The following MAML3 variants were observed in gnomAD, a reference collection of about 807,000 sequenced individuals.
MAML3 encodes mastermind like transcriptional coactivator 3.
MAML3 carries 27 observed loss-of-function variants against 101.9 expected under a neutral mutation model. That is an observed-to-expected ratio of 0.27 (90% confidence interval 0.20 to 0.37). MAML3 has a LOEUF of 0.37. Ranked by LOEUF, MAML3 falls within the 10% of genes least tolerant of loss-of-function variation. The probability of loss-of-function intolerance (pLI) is 1.00; values close to 1 mark genes in which losing one functional copy is unlikely to be tolerated. For missense variants in MAML3, 1,316 were observed against 1,444.9 expected (o/e 0.91, Z 1.45); for synonymous variants, 501 against 555.9 (o/e 0.90, Z 1.39).
chr4:140,009,984 T>C (rs1726520791), intron 1 of MAML3, among the ~76,000 whole-genome samples: 1 of 152,212 alleles, frequency 6.6e-6, no homozygotes, highest in African/African-American at 2.4e-5. Flanking sequence ...TCCAGAGAAA[T>C]TGTTTTCAAC....
rs761002812 is a variant in MAML3, at chr4:139,720,095, A to G, written c.2645T>C (p.Leu882Ser). The change falls in exon 5 of 5, where the codon TTG becomes TCG. Residue 882 changes from leucine (L) to serine (S), a missense_variant. Transcript: ENST00000509479. ...YNMSTGMTQM[L>S]QHPNQSGMSI... is the part of the protein sequence containing the mutation. ...CATGCCACTTTGGTTTGGATGCTGCAACATTTGGGTCATGCCTGTGCTCAT... is the reference window on the plus strand; with the variant it reads ...CATGCCACTTTGGTTTGGATGCTGCGACATTTGGGTCATGCCTGTGCTCAT... The G allele has an allele frequency of 6.2e-7, 1 of 1,614,062 alleles. No homozygotes were observed. Among genetic ancestry groups the G allele is most frequent in the Non-Finnish European group, 8.5e-7 (1 of 1,179,908 alleles).
intron 1 of MAML3, among the ~76,000 whole-genome samples, chr4:140,084,289 C>T (rs1457253759): frequency 2.0e-5 from 3 of 152,170 alleles, no homozygotes; most frequent in Non-Finnish European, 4.4e-5. Flanking sequence ...TACAGCCAGG[C>T]CTACTTGTCT....
At chr4:140,054,263 G>A (rs796652454) in intron 1 of MAML3, among the ~76,000 whole-genome samples, 3 of 151,802 alleles carry the variant, frequency 2.0e-5, no homozygotes, top group African/African-American at 7.2e-5. Flanking sequence ...CAGCTACCCG[G>A]GAGGCTGAGG....
chr4:139,986,796 C>T (rs1327550717), intron 1 of MAML3, among the ~76,000 whole-genome samples: 1 of 152,158 alleles, frequency 6.6e-6, no homozygotes, highest in Non-Finnish European at 1.5e-5. Flanking sequence ...AGTAAATACA[C>T]AGTAAATTGT....
intron 1 of MAML3, among the ~76,000 whole-genome samples, chr4:139,900,656 C>G (rs1389999801): frequency 6.6e-6 from 1 of 152,194 alleles, no homozygotes; most frequent in Non-Finnish European, 1.5e-5. Context: ...CTGGTGTTAA[C>G]AAAATTATCA....
intron 2 of MAML3, among the ~76,000 whole-genome samples, chr4:139,783,828 G>T (rs1438705406): frequency 6.6e-6 from 1 of 152,168 alleles, no homozygotes; most frequent in Non-Finnish European, 1.5e-5. Context: ...CCGTCTGATT[G>T]GATGCACATT....
intron 1 of MAML3, among the ~76,000 whole-genome samples, chr4:140,129,571 G>C (rs971584932): frequency 6.6e-5 from 10 of 152,174 alleles, no homozygotes; most frequent in Non-Finnish European, 8.8e-5. Context: ...GTCTGCCAGA[G>C]AGACCAAACG....
chr4:139,921,966 A>G (rs1733138842), intron 1 of MAML3, among the ~76,000 whole-genome samples: 1 of 152,204 alleles, frequency 6.6e-6, no homozygotes, highest in Admixed American at 6.5e-5. Context: ...TGTGCCTTCT[A>G]AGCTCTAGGA....
intron 2 of MAML3, among the ~76,000 whole-genome samples, chr4:139,738,423 G>T (rs182929035): frequency 1.3e-5 from 2 of 152,138 alleles, no homozygotes; most frequent in African/African-American, 4.8e-5. Context: ...TGTGCCTGTA[G>T]TCCCAGTTAC....
At chr4:140,132,203 G>A (rs1387495667) in intron 1 of MAML3, among the ~76,000 whole-genome samples, 1 of 152,244 alleles carries the variant, frequency 6.6e-6, no homozygotes, top group Non-Finnish European at 1.5e-5. Flanking sequence ...CACAGTCCAC[G>A]AATGCTCGTG....
At chr4:139,814,911 T>C (rs1052549074) in intron 2 of MAML3, among the ~76,000 whole-genome samples, 1 of 152,188 alleles carries the variant, frequency 6.6e-6, no homozygotes, top group Non-Finnish European at 1.5e-5. Flanking sequence ...GAGTTTTATA[T>C]GCTATTTCCA....
chr4:139,751,876 G>A (rs1412723334), intron 2 of MAML3, among the ~76,000 whole-genome samples: 1 of 152,192 alleles, frequency 6.6e-6, no homozygotes, highest in Non-Finnish European at 1.5e-5. Context: ...TGCATGTAAG[G>A]TTACAGTATA....
chr4:139,824,980 C>A (rs1731037991), intron 2 of MAML3, among the ~76,000 whole-genome samples: 1 of 152,050 alleles, frequency 6.6e-6, no homozygotes, highest in African/African-American at 2.4e-5. Context: ...ACGTCTTCAA[C>A]ATCATTAGCA....
intron 1 of MAML3, among the ~76,000 whole-genome samples, chr4:139,976,713 T>C (rs528858579): frequency 2.0e-5 from 3 of 152,360 alleles, no homozygotes; most frequent in Admixed American, 1.3e-4. Flanking sequence ...TCTTTTAAAA[T>C]TCAGTGTTTT....
intron 1 of MAML3, among the ~76,000 whole-genome samples, chr4:139,972,350 AT>A (rs1193506300): frequency 6.6e-6 from 1 of 152,242 alleles, no homozygotes; most frequent in East Asian, 1.9e-4. Context: ...AATATATCCA[AT>A]CCTTTGTTCA....
At chr4:139,947,740 G>A (rs769662) in intron 1 of MAML3, among the ~76,000 whole-genome samples, 57,736 of 151,922 alleles carry the variant, frequency 0.38, 11,477 homozygotes, top group African/African-American at 0.48. Context: ...GCAGGATTCC[G>A]TCTCAAAAAT....
At chr4:139,898,975 A>G (rs1043602527) in intron 1 of MAML3, among the ~76,000 whole-genome samples, 2 of 152,238 alleles carry the variant, frequency 1.3e-5, no homozygotes, top group African/African-American at 4.8e-5. Flanking sequence ...TAATGTAACT[A>G]GTGACCTGAG....
At chr4:140,028,906 G>C (rs1560871218) in intron 1 of MAML3, among the ~76,000 whole-genome samples, 1 of 152,132 alleles carries the variant, frequency 6.6e-6, no homozygotes, top group Non-Finnish European at 1.5e-5. Flanking sequence ...AGACAGACTT[G>C]ATTTACTTTC....
At position 139,719,210 on chromosome 4, in the gene MAML3, G is replaced by A. The variant is rs1728119119; in HGVS notation, c.*113C>T. 4 of 1,242,576 alleles carry A rather than the reference G, an allele frequency of 3.2e-6. No homozygotes were observed. The highest frequency in any genetic ancestry group is 3.3e-6 in the Non-Finnish European group (3 of 920,004). The allele number at this position is 1,242,576 out of a possible 1,614,324, so 77.0% of individuals were successfully genotyped here. A position where few individuals can be genotyped will look rare whatever the true frequency, so the allele number is the denominator to read the frequency against. ...TCCATTGTCAGCCAGCTGCAGTTTT[G>A]CTCAGTTTACGTGGGTCAAAAAAAC... On this transcript the variant is annotated 3_prime_UTR_variant, in exon 5 of 5. Transcript: ENST00000509479.
Sources: gnomAD v4.1 joint callset for allele counts (sites outside exome capture counted in the v4.1 genomes callset) on GRCh38, gnomAD v4.1.1 for gene constraint, MANE v1.5 for transcripts, NCBI Gene and HGNC (gene_info 2026-07-23, HGNC 2026-07-21) for gene names.